The following DCDC1 variants were observed in gnomAD, a reference collection of about 807,000 sequenced individuals.
DCDC1 encodes the protein doublecortin domain containing 1.
DCDC1 carries 200 observed loss-of-function variants against 178.3 expected under a neutral mutation model. The observed-to-expected ratio is 1.12, with a 90% CI of 1.00 to 1.26. The LOEUF (loss-of-function observed/expected upper bound fraction) is 1.26. Ranked by LOEUF, DCDC1 falls within the 50% of genes most tolerant of loss-of-function variation. The pLI is 0.00. For missense variants in DCDC1, 1,983 were observed against 1,749.2 expected, an observed-to-expected ratio of 1.13 and a Z score of -2.38; for synonymous variants, 690 against 604.8, an observed-to-expected ratio of 1.14 and a Z score of -2.07.
intron 3 of DCDC1, among the ~76,000 whole-genome samples, chr11:31,324,362 G>A (rs960542187): frequency 4.0e-5 from 6 of 151,604 alleles, no homozygotes; most frequent in Admixed American, 2.0e-4. Flanking sequence ...ATAAAAATAA[G>A]GCATATGTGA....
rs1306442078 is a variant in DCDC1, at chr11:31,170,908, C to T, written c.1222-33124G>A. Among the ~76,000 whole-genome samples, 9 of 152,076 alleles carry T rather than the reference C, an allele frequency of 5.9e-5. No homozygotes were observed. The East Asian group carries it at 1.7e-3, about 29-fold the overall frequency. On this transcript the variant is annotated intron_variant, in intron 9 of 38. Coordinates refer to ENST00000684477, the MANE Select transcript of DCDC1 (RefSeq NM_001387274.1). ...GCAATAGCGTGATCTTGGCTCACCG[C>T]AACCTTGCCTCCCGGGTTCAAATGA...
chr11:30,946,264 G>T (rs1948049227), intron 21 of DCDC1, among the ~76,000 whole-genome samples: 1 of 152,088 alleles, frequency 6.6e-6, no homozygotes, highest in South Asian at 2.1e-4. Flanking sequence ...CCTGATCTCT[G>T]GTTTTAGCCT....
At chr11:31,314,293 A>G (rs371961783) in intron 3 of DCDC1, among the ~76,000 whole-genome samples, 2 of 152,228 alleles carry the variant, frequency 1.3e-5, no homozygotes, top group African/African-American at 4.8e-5. Flanking sequence ...AACATTAATC[A>G]TATTACCTCA....
intron 1 of DCDC1, among the ~76,000 whole-genome samples, chr11:31,340,295 C>T (rs1268895620): frequency 6.6e-6 from 1 of 151,868 alleles, no homozygotes; most frequent in Admixed American, 6.6e-5. Context: ...GGCAGTGAGA[C>T]CTTGGAAGAA....
At chr11:30,927,153 C>G (rs1036838642) in intron 22 of DCDC1, among the ~76,000 whole-genome samples, 15 of 152,044 alleles carry the variant, frequency 9.9e-5, no homozygotes, top group Admixed American at 5.2e-4. Context: ...TCTTTCTTCT[C>G]CCTGTGGCCT....
In DCDC1 at chr11:30,989,702, C is replaced by T. The variant is rs541445727; in HGVS notation, c.2592-37134G>A. 3.3e-5 allele frequency among the ~76,000 whole-genome samples: 5 copies of T among 152,174 alleles called. No individual in the cohort carries two copies. In the East Asian group the frequency reaches 5.8e-4, roughly 18 times the overall value. The stretch of plus-strand genomic sequence containing the variant: ...CCATTCAATAATGTATTTATAGAGT[C>T]GGAGAAAGCATCCTCTTTAAATAAT... On this transcript the variant is annotated intron_variant, in intron 20 of 38. Transcript: ENST00000684477.
At chr11:31,192,540 T>G (rs185530254) in intron 9 of DCDC1, among the ~76,000 whole-genome samples, 16 of 152,232 alleles carry the variant, frequency 1.1e-4, no homozygotes, top group Non-Finnish European at 1.5e-5. Flanking sequence ...TAAGGCCTAA[T>G]CATGCTTCAC....
At chr11:31,138,426 T>C (rs1227727982) in intron 9 of DCDC1, among the ~76,000 whole-genome samples, 1 of 152,228 alleles carries the variant, frequency 6.6e-6, no homozygotes, top group Non-Finnish European at 1.5e-5. Context: ...GCTATTTTCA[T>C]GCTAAACATG....
At chr11:31,204,122 G>T (rs190600567) in intron 9 of DCDC1, among the ~76,000 whole-genome samples, 40 of 152,310 alleles carry the variant, frequency 2.6e-4, no homozygotes, top group African/African-American at 8.9e-4. Context: ...TGAATGCAGT[G>T]TTGGGAAGAG....
intron 10 of DCDC1, among the ~76,000 whole-genome samples, chr11:31,137,135 A>T (rs190539226): frequency 6.6e-6 from 1 of 152,248 alleles, no homozygotes; most frequent in Non-Finnish European, 1.5e-5. Context: ...TAATTTAGAA[A>T]ACTTATGAGA....
intron 11 of DCDC1, among the ~76,000 whole-genome samples, chr11:31,122,984 T>C (rs1961030313): frequency 6.6e-6 from 1 of 152,086 alleles, no homozygotes; most frequent in South Asian, 2.1e-4. Context: ...TTTCAAGTCA[T>C]ATGGTCTCCA....
intron 20 of DCDC1, among the ~76,000 whole-genome samples, chr11:30,963,514 G>C (rs568504686): frequency 6.6e-6 from 1 of 152,134 alleles, no homozygotes; most frequent in East Asian, 1.9e-4. Flanking sequence ...TGGCCAGATA[G>C]GTTGTGAGTG....
At chr11:30,937,607 A>G (rs1302920117) in intron 21 of DCDC1, among the ~76,000 whole-genome samples, 1 of 151,996 alleles carries the variant, frequency 6.6e-6, no homozygotes, top group Non-Finnish European at 1.5e-5. Flanking sequence ...CTGACTACCT[A>G]TTCCACAGTG....
intron 7 of DCDC1, among the ~76,000 whole-genome samples, chr11:31,269,740 A>G (rs1015750664): frequency 6.6e-6 from 1 of 152,188 alleles, no homozygotes; most frequent in Admixed American, 6.5e-5. Context: ...AAAATTTTAA[A>G]TCATCATGCT....
At position 31,091,266 on chromosome 11, in the gene DCDC1, T is replaced by C. The variant is rs1029782954; in HGVS notation, c.2237+127A>G. The C allele has an allele frequency of 2.0e-5, 11 of 563,624 alleles. No homozygotes were observed. In the African/African-American group the frequency reaches 2.1e-4, roughly 11 times the overall value. The allele number at this position is 563,624 out of a possible 1,614,324, so 34.9% of individuals were successfully genotyped here. On this transcript the variant is annotated intron_variant, in intron 17 of 38. Coordinates refer to ENST00000684477, the MANE Select transcript of DCDC1 (RefSeq NM_001387274.1). Reference sequence around the variant, plus strand: ...CTTTGGATTCAGAAATTAATATTGTTATTATGAACACAAATTTAAACATTG... The same window carrying C: ...CTTTGGATTCAGAAATTAATATTGTCATTATGAACACAAATTTAAACATTG...
chr11:30,966,006 G>A (rs290064), intron 20 of DCDC1, among the ~76,000 whole-genome samples: 736 of 22,822 alleles, frequency 0.032, 29 homozygotes, highest in African/African-American at 0.16. Flanking sequence ...TATCATTGTT[G>A]GACATTTGGG....
intron 9 of DCDC1, among the ~76,000 whole-genome samples, chr11:31,219,838 A>T (rs973380511): frequency 1.3e-5 from 2 of 152,164 alleles, no homozygotes; most frequent in Non-Finnish European, 2.9e-5. Flanking sequence ...GTTTACAGGT[A>T]TAATCTCACA....
At chr11:31,093,915 G>A in intron 16 of DCDC1, 135 bp downstream of exon 16, 1 of 655,334 alleles carries the variant, frequency 1.5e-6, no homozygotes. Flanking sequence ...CGGCAGAGAT[G>A]GCATCTATAA....
At chr11:31,273,690 C>A (rs1591608180) in intron 7 of DCDC1, among the ~76,000 whole-genome samples, 1 of 152,158 alleles carries the variant, frequency 6.6e-6, no homozygotes, top group Non-Finnish European at 1.5e-5. Context: ...TCCACATTTT[C>A]AGGTATCTAC....
Sources: allele counts gnomAD v4.1 joint callset (sites outside exome capture counted in the v4.1 genomes callset), GRCh38; gene constraint gnomAD v4.1.1; transcripts MANE v1.5; gene names NCBI Gene and HGNC (gene_info 2026-07-23, HGNC 2026-07-21).